The following DOT1L variants were observed in gnomAD, a reference collection of about 807,000 sequenced individuals.
DOT1L encodes the protein histone-lysine N-methyltransferase, H3 lysine-79 specific.
Under a neutral mutation model 153.3 loss-of-function variants are expected in DOT1L, and 33 were observed. The ratio of observed to expected loss-of-function variants is 0.22; its 90% CI spans 0.16 to 0.29. The LOEUF is 0.29. Ranked by LOEUF, DOT1L falls within the 10% of genes least tolerant of loss-of-function variation. The pLI, the probability that DOT1L is intolerant of heterozygous loss-of-function variation, is 1.00. For synonymous variants in DOT1L, 1,135 were observed against 965.1 expected (o/e 1.18, Z -3.26); for missense variants, 1,847 against 2,119.9 (o/e 0.87, Z 2.53).
intron 3 of DOT1L, among the ~76,000 whole-genome samples, chr19:2,187,352 G>T (rs752023718): frequency 7.9e-5 from 12 of 152,224 alleles, no homozygotes; most frequent in Admixed American, 5.2e-4. Flanking sequence ...TGCTCACGGC[G>T]CCCCTCCACG....
At position 2,167,228 on chromosome 19, in the gene DOT1L, T is replaced by G. The variant is rs373433174; in HGVS notation, c.81+2963T>G. ...GTTCTCAGGGGTGGACCGCACGGCC[T>G]GTGCTAAGCGTCTGTTTAACATCTG... On this transcript the variant is annotated intron_variant, in intron 1 of 27. Transcript: ENST00000398665. Among the ~76,000 whole-genome samples the G allele has an allele frequency of 3.3e-5, 5 of 152,310 alleles. No individual in the cohort carries two copies. The East Asian group carries it at 7.7e-4, about 24-fold the overall frequency.
Position 2,220,420 on chromosome 19 carries a change from C to A in DOT1L, c.2806+198C>A. 1.5e-6 allele frequency: 1 copy of A among 684,500 alleles called. No individual in the cohort carries two copies. The highest frequency in any genetic ancestry group is 2.4e-4 in the Middle Eastern group (1 of 4,252). The allele number at this position is 684,500 out of a possible 1,614,324, so 42.4% of individuals were successfully genotyped here. On this transcript the variant is annotated intron_variant, in intron 23 of 27. Transcript: ENST00000398665. This position sits in a 1 kb window ranked among gnomAD's most constrained non-coding sequence, Gnocchi z 4.5. ...GATGCGGATCGGGCTCAGCTGCAGC[C>A]ATCTCGGCCTCATACCTGGGTCTCC...
chr19:2,167,910 T>C lies in DOT1L; in HGVS notation c.81+3645T>C, dbSNP rs536045344. On this transcript the variant is annotated intron_variant, in intron 1 of 27. Transcript: ENST00000398665. Reference sequence around the variant, plus strand: ...GCCACCATGCCTGGCTTATTTTGTATTTTTAGTAGAGACAGGGTTTCACCA... The same window carrying C: ...GCCACCATGCCTGGCTTATTTTGTACTTTTAGTAGAGACAGGGTTTCACCA... Among the ~76,000 whole-genome samples the C allele has an allele frequency of 2.0e-5, 3 of 152,168 alleles. No individual in the cohort carries two copies. The East Asian group carries it at 5.8e-4, about 29-fold the overall frequency.
Position 2,226,700 on chromosome 19 carries a change from C to T in DOT1L, c.4179C>T (p.Gly1393=). The T allele has an allele frequency of 6.4e-7, 1 of 1,570,638 alleles. No individual in the cohort carries two copies. Among genetic ancestry groups the T allele is most frequent in the Non-Finnish European group, 8.6e-7 (1 of 1,162,840 alleles). The change falls in exon 27 of 28, where the codon GGC becomes GGT. Residue 1393 remains glycine (G), a synonymous_variant. Transcript: ENST00000398665. Reference sequence around the variant, plus strand: ...GCGGCAAGGAGGCAGGGGAGGGCGGCCTACCGCTGTGCGGGCCCACGGACA... The same window carrying T: ...GCGGCAAGGAGGCAGGGGAGGGCGGTCTACCGCTGTGCGGGCCCACGGACA... ...GSRGKEAGEG[G]LPLCGPTDKT...
intron 25 of DOT1L, among the ~76,000 whole-genome samples, chr19:2,223,729 C>G (rs750595626): frequency 6.6e-6 from 1 of 152,202 alleles, no homozygotes; most frequent in African/African-American, 2.4e-5. Context: ...TTAGAAGAGG[C>G]AAGCTGAGGA....
At chr19:2,209,024 A>T in intron 12 of DOT1L, 48 bp downstream of exon 12, 4 of 1,592,344 alleles carry the variant, frequency 2.5e-6, no homozygotes, top group Non-Finnish European at 3.4e-6. Context: ...GCATGCACTG[A>T]TGTGGGGAAA....
In DOT1L at chr19:2,205,154, G is replaced by A. The variant is rs564981042; in HGVS notation, c.788-1575G>A. ...CCTGGCTAATTTTTTTGTATTTTTA[G>A]TAGAGACAGGGTTTCACTGTGTTAG... On this transcript the variant is annotated intron_variant, in intron 9 of 27. Coordinates refer to ENST00000398665, the MANE Select transcript of DOT1L (RefSeq NM_032482.3). 4.6e-5 allele frequency among the ~76,000 whole-genome samples: 7 copies of A among 152,088 alleles called. No homozygotes were observed. In the East Asian group the frequency reaches 1.4e-3, roughly 29 times the overall value.
intron 13 of DOT1L, 30 bp from the exon 14 acceptor site, chr19:2,210,591 C>T: frequency 6.2e-7 from 1 of 1,606,004 alleles, no homozygotes. Context: ...GGCTCTGTGC[C>T]CATCCCTGTT....
chr19:2,231,036 C>G lies in DOT1L; in HGVS notation c.*1244C>G, dbSNP rs1389223215. On this transcript the variant is annotated 3_prime_UTR_variant, in exon 28 of 28. Coordinates refer to ENST00000398665, the MANE Select transcript of DOT1L (RefSeq NM_032482.3). The stretch of plus-strand genomic sequence containing the variant: ...CCCCACTCTGCAGCCTTGGCGGGTG[C>G]CTGGGACTGGGTGTGGAAGGAGAGG... 4.2e-6 allele frequency: 1 copy of G among 236,166 alleles called. No homozygotes were observed. Among genetic ancestry groups the G allele is most frequent in the Non-Finnish European group, 8.3e-6 (1 of 120,530 alleles). The allele number at this position is 236,166 out of a possible 1,614,324, so 14.6% of individuals were successfully genotyped here.
At position 2,193,686 on chromosome 19, in the gene DOT1L, T is replaced by C. The variant is rs1295022326; in HGVS notation, c.494-3T>C. 6.2e-6 allele frequency: 10 copies of C among 1,613,960 alleles called. No individual in the cohort carries two copies. The East Asian group carries it at 2.0e-4, about 32-fold the overall frequency. On this transcript the variant is annotated splice_polypyrimidine_tract_variant and splice_region_variant and intron_variant, in intron 5 of 27. Transcript: ENST00000398665. This position sits in a 1 kb window ranked among gnomAD's most constrained non-coding sequence, Gnocchi z 5.9. Reference sequence around the variant, plus strand: ...GGTATCTGATGGATCTCTCTGATCATAGGTGTGGGCCAGGTCGTGCTCCAG... The same window carrying C: ...GGTATCTGATGGATCTCTCTGATCACAGGTGTGGGCCAGGTCGTGCTCCAG...
At chr19:2,224,184 G>T (rs1568369611) in intron 25 of DOT1L, among the ~76,000 whole-genome samples, 1 of 152,226 alleles carries the variant, frequency 6.6e-6, no homozygotes, top group African/African-American at 2.4e-5. Context: ...CTCCGTGCTA[G>T]GCTTGCTTAC....
rs888427477 is a variant in DOT1L, at chr19:2,232,374, C to G, written c.*2582C>G. On this transcript the variant is annotated 3_prime_UTR_variant, in exon 28 of 28. Transcript: ENST00000398665. ...GACTGCCCTCGCCATCGTGGTCAGACCCCCCTCCCAACACAACACGCTGCT... is the reference window on the plus strand; with the variant it reads ...GACTGCCCTCGCCATCGTGGTCAGAGCCCCCTCCCAACACAACACGCTGCT... 2.9e-5 allele frequency: 6 copies of G among 204,436 alleles called. No individual in the cohort carries two copies. Among genetic ancestry groups the G allele is most frequent in the Non-Finnish European group, 5.9e-5 (6 of 100,930 alleles). The allele number at this position is 204,436 out of a possible 1,614,324, so 12.7% of individuals were successfully genotyped here. A position where few individuals can be genotyped will look rare whatever the true frequency, so the allele number is the denominator to read the frequency against.
chr19:2,187,455 A>G (rs1350098766), intron 3 of DOT1L, among the ~76,000 whole-genome samples: 1 of 152,114 alleles, frequency 6.6e-6, no homozygotes, highest in African/African-American at 2.4e-5. Flanking sequence ...TCTTCGTTGG[A>G]GCTGGCAGGG....
Position 2,164,151 on chromosome 19 carries a change from C to G in DOT1L, c.-34C>G, listed in dbSNP as rs760751716. 1 of 1,186,768 alleles carries G rather than the reference C, an allele frequency of 8.4e-7. No individual in the cohort carries two copies. Among genetic ancestry groups the G allele is most frequent in the Non-Finnish European group, 1.0e-6 (1 of 957,126 alleles). The allele number at this position is 1,186,768 out of a possible 1,614,324, so 73.5% of individuals were successfully genotyped here. ...CGGCCCCGCCCCTCCCCCAACCGCC[C>G]GCCTAGCATGGTGCGGCGGCCGCGC... On this transcript the variant is annotated 5_prime_UTR_variant, in exon 1 of 28. Coordinates refer to ENST00000398665, the MANE Select transcript of DOT1L (RefSeq NM_032482.3).
intron 1 of DOT1L, among the ~76,000 whole-genome samples, chr19:2,168,683 C>T (rs754159110): frequency 6.6e-6 from 1 of 151,874 alleles, no homozygotes; most frequent in African/African-American, 2.4e-5. Flanking sequence ...GGTGTGATCT[C>T]GGTTCACTGC....
rs1243550907 is a variant in DOT1L, at chr19:2,230,098, T to G, written c.*306T>G. On this transcript the variant is annotated 3_prime_UTR_variant, in exon 28 of 28. Coordinates refer to ENST00000398665, the MANE Select transcript of DOT1L (RefSeq NM_032482.3). ...AATATAAATATCTATATATGAGAGC[T>G]CTATATAAAGACACGTGTCTGCAGG... 1.8e-6 allele frequency: 1 copy of G among 566,876 alleles called. No individual in the cohort carries two copies. Among genetic ancestry groups the G allele is most frequent in the African/African-American group, 1.9e-5 (1 of 52,338 alleles). The allele number at this position is 566,876 out of a possible 1,614,324, so 35.1% of individuals were successfully genotyped here.
chr19:2,179,467 C>T (rs1274079307), intron 1 of DOT1L, among the ~76,000 whole-genome samples: 1 of 152,038 alleles, frequency 6.6e-6, no homozygotes, highest in Non-Finnish European at 1.5e-5. Flanking sequence ...ATTGCTTTGG[C>T]GTTTACCTAT....
chr19:2,213,255 G>A (rs116939194), intron 16 of DOT1L: 3,695 of 361,274 alleles, frequency 0.01, 29 homozygotes, highest in Middle Eastern at 0.034. Flanking sequence ...GGCATTGGCC[G>A]GCCTCTGCGT....
At chr19:2,215,900 A>G (rs2023880079) in intron 19 of DOT1L, 1 of 188,014 alleles carries the variant, frequency 5.3e-6, no homozygotes, top group Non-Finnish European at 1.1e-5. Flanking sequence ...CTAAAAGGAA[A>G]AAGCCCCTCT....
Sources: allele counts gnomAD v4.1 joint callset (sites outside exome capture counted in the v4.1 genomes callset), GRCh38; gene constraint gnomAD v4.1.1; non-coding constraint Gnocchi (gnomAD v3.1); transcripts MANE v1.5; gene names NCBI Gene and HGNC (gene_info 2026-07-23, HGNC 2026-07-21).